Variants in CCDC50 observed in about 807,000 individuals in gnomAD.
CCDC50 encodes coiled-coil domain-containing protein 50.
CCDC50 carries 54 observed loss-of-function variants against 70.2 expected under a neutral mutation model. That is an observed-to-expected ratio of 0.77 (90% confidence interval 0.62 to 0.96). The LOEUF (loss-of-function observed/expected upper bound fraction) is 0.96. CCDC50 is among the 50% of genes least tolerant of loss of function. The pLI is 0.00. For missense variants in CCDC50, 558 were observed against 578.7 expected (o/e 0.96, Z 0.37); for synonymous variants, 216 against 198.8 (o/e 1.09, Z -0.73).
At chr3:191,391,214 T>C (rs998851231) in intron 11 of CCDC50, among the ~76,000 whole-genome samples, 1 of 152,218 alleles carries the variant, frequency 6.6e-6, no homozygotes, top group Non-Finnish European at 1.5e-5. Context: ...TGTCCCCAAA[T>C]ATCTTTAAAT....
intron 10 of CCDC50, among the ~76,000 whole-genome samples, chr3:191,387,399 A>G (rs1713533302): frequency 6.6e-6 from 1 of 152,188 alleles, no homozygotes; most frequent in Admixed American, 6.5e-5. Flanking sequence ...ACTGTACAAC[A>G]AAGTTAGTTA....
At chr3:191,387,009 C>G (rs1713519402) in intron 10 of CCDC50, among the ~76,000 whole-genome samples, 1 of 152,014 alleles carries the variant, frequency 6.6e-6, no homozygotes, top group South Asian at 2.1e-4. Flanking sequence ...TCATTTTATT[C>G]CTTGTGCATT....
rs1451343178 is a variant in CCDC50 at position 191,375,058 on chromosome 3, T to C, written c.449-4T>C. On this transcript the variant is annotated splice_polypyrimidine_tract_variant and splice_region_variant and intron_variant, in intron 5 of 11. Coordinates refer to ENST00000392455, the MANE Select transcript of CCDC50 (RefSeq NM_178335.3). ...ATTTTTCACATCCCTCTGCCTCCACTCAGACCAACCAGGGTCAAGGAGGGC... is the reference window on the plus strand; with the variant it reads ...ATTTTTCACATCCCTCTGCCTCCACCCAGACCAACCAGGGTCAAGGAGGGC... 1.2e-6 allele frequency: 2 copies of C among 1,613,222 alleles called. No individual in the cohort carries two copies. Among genetic ancestry groups the C allele is most frequent in the South Asian group, 2.2e-5 (2 of 91,008 alleles).
At chr3:191,344,486 A>G (rs1281516981) in intron 1 of CCDC50, among the ~76,000 whole-genome samples, 2 of 152,244 alleles carry the variant, frequency 1.3e-5, no homozygotes, top group East Asian at 3.8e-4. Context: ...ATAGTGTGAA[A>G]CAATTATTTG....
chr3:191,336,136 T>G (rs1711518769), intron 1 of CCDC50, among the ~76,000 whole-genome samples: 1 of 152,048 alleles, frequency 6.6e-6, no homozygotes, highest in Non-Finnish European at 1.5e-5. Context: ...ACAAGTGTTT[T>G]TTTTTTTTTT....
intron 2 of CCDC50, 60 bp from the exon 3 acceptor site, chr3:191,357,938 G>T: frequency 1.9e-6 from 3 of 1,605,212 alleles, no homozygotes; most frequent in Non-Finnish European, 2.6e-6. Flanking sequence ...GATTATTATG[G>T]CATTTATTAC....
At chr3:191,343,137 A>G (rs2108637070) in intron 1 of CCDC50, among the ~76,000 whole-genome samples, 1 of 152,324 alleles carries the variant, frequency 6.6e-6, no homozygotes, top group African/African-American at 2.4e-5. Context: ...GGCCAACTGC[A>G]AGAAGTGAGT....
At chr3:191,332,654 C>G (rs1349707491) in intron 1 of CCDC50, among the ~76,000 whole-genome samples, 1 of 152,166 alleles carries the variant, frequency 6.6e-6, no homozygotes, top group Admixed American at 6.5e-5. Flanking sequence ...CTGAAAGTTT[C>G]TTGGAGTTCA....
At chr3:191,371,224 G>A (rs889868225) in intron 5 of CCDC50, among the ~76,000 whole-genome samples, 2 of 151,942 alleles carry the variant, frequency 1.3e-5, no homozygotes, top group African/African-American at 4.8e-5. Flanking sequence ...CCTCAGTTTC[G>A]CTTCTCTGGT....
intron 1 of CCDC50, among the ~76,000 whole-genome samples, chr3:191,335,052 A>G (rs1463189437): frequency 6.6e-6 from 1 of 152,192 alleles, no homozygotes; most frequent in East Asian, 1.9e-4. Flanking sequence ...CTCTAAAATT[A>G]AACGTATTGG....
Position 191,339,662 on chromosome 3 carries a change from C to T in CCDC50, c.49+9939C>T, listed in dbSNP as rs991606864. On this transcript the variant is annotated intron_variant, in intron 1 of 11. Transcript: ENST00000392455. ...GCTTTCTGAATATGGAAAGTGTTGA[C>T]TTTCCCAGGCTGTACTCTGATCATC... Among the ~76,000 whole-genome samples the T allele has an allele frequency of 5.3e-5, 8 of 152,182 alleles. No homozygotes were observed. In the East Asian group the frequency reaches 1.3e-3, roughly 26 times the overall value.
At position 191,393,684 on chromosome 3, in the gene CCDC50, AG is replaced by A. The variant is rs1345033302; in HGVS notation, c.*1925del. 1 of 152,196 alleles carries A rather than the reference AG, an allele frequency of 6.6e-6. No individual in the cohort carries two copies. The highest frequency in any genetic ancestry group is 1.5e-5 in the Non-Finnish European group (1 of 68,030). The allele number at this position is 152,196 out of a possible 1,614,324, so 9.4% of individuals were successfully genotyped here. A position where few individuals can be genotyped will look rare whatever the true frequency, so the allele number is the denominator to read the frequency against. ...TTTATAGCTGTGATAAAATGGGTAA[AG>A]AAAAACCTCCATTTAAATAAGGAAG... is the stretch of plus-strand genomic sequence containing the variant. On this transcript the variant is annotated 3_prime_UTR_variant, in exon 12 of 12. Coordinates refer to ENST00000392455, the MANE Select transcript of CCDC50 (RefSeq NM_178335.3).
chr3:191,370,251 A>AGTAC (rs1426739562), intron 5 of CCDC50: 14 of 435,218 alleles, frequency 3.2e-5, no homozygotes, highest in Non-Finnish European at 5.6e-5. Flanking sequence ...TTTAGGGTAC[A>AGTAC]TGTGCACAAC....
rs1712034576 is a variant in CCDC50 at position 191,349,500 on chromosome 3, A to G, written c.50-7588A>G. 1.4e-5 allele frequency among the ~76,000 whole-genome samples: 2 copies of G among 141,598 alleles called. 1 individual carries two copies. Among genetic ancestry groups the G allele is most frequent in the Non-Finnish European group, 3.2e-5 (2 of 62,800 alleles). 92.9% of individuals were successfully genotyped at this position (141,598 alleles called of 152,430 possible). ...TAGGTCCCAAAGAGAGATTTCCCTT[A>G]GAATTTTTCACTGTAGTCACTACCT... On this transcript the variant is annotated intron_variant, in intron 1 of 11. Coordinates refer to ENST00000392455, the MANE Select transcript of CCDC50 (RefSeq NM_178335.3).
chr3:191,377,109 G>A (rs751067994), intron 6 of CCDC50, among the ~76,000 whole-genome samples: 4 of 152,068 alleles, frequency 2.6e-5, no homozygotes, highest in South Asian at 2.1e-4. Context: ...GTTACCAGGC[G>A]GATATTAAAA....
rs1713754210 is a variant in CCDC50, at chr3:191,393,177, T to C, written c.*1417T>C. 1 of 152,290 alleles carries C rather than the reference T, an allele frequency of 6.6e-6. No homozygotes were observed. The highest frequency in any genetic ancestry group is 2.4e-5 in the African/African-American group (1 of 41,462). The allele number at this position is 152,290 out of a possible 1,614,324, so 9.4% of individuals were successfully genotyped here. On this transcript the variant is annotated 3_prime_UTR_variant, in exon 12 of 12. Transcript: ENST00000392455. ...TTACTGCAATATTTATTTTCCCTTA[T>C]TTTCCCATACTACTTAGTTGACAAA...
intron 5 of CCDC50, among the ~76,000 whole-genome samples, chr3:191,371,491 C>G (rs1712912276): frequency 6.6e-6 from 1 of 152,126 alleles, no homozygotes; most frequent in Non-Finnish European, 1.5e-5. Context: ...AATTTCAGGT[C>G]AGTGATCCTG....
intron 5 of CCDC50, among the ~76,000 whole-genome samples, chr3:191,373,081 ATG>A (rs149903291): frequency 0.3 from 45,059 of 151,298 alleles, 6,748 homozygotes; most frequent in Non-Finnish European, 0.32. Context: ...GTGTATAAAT[ATG>A]TGTGTGTGTG....
intron 1 of CCDC50, among the ~76,000 whole-genome samples, chr3:191,353,166 A>G (rs1712158667): frequency 7.0e-6 from 1 of 142,242 alleles, no homozygotes; most frequent in Admixed American, 7.2e-5. Flanking sequence ...TTTAATGTTC[A>G]AAAGAGACTT....
Sources: allele counts gnomAD v4.1 joint callset (sites outside exome capture counted in the v4.1 genomes callset), GRCh38; gene constraint gnomAD v4.1.1; transcripts MANE v1.5; gene names NCBI Gene and HGNC (gene_info 2026-07-23, HGNC 2026-07-21).